GRID2: variants seen among roughly 807,000 people sequenced by gnomAD.
The protein encoded by GRID2 is glutamate ionotropic receptor delta type subunit 2.
A neutral mutation model predicts 114.8 loss-of-function variants in GRID2; 33 were observed. That is an observed-to-expected ratio of 0.29 (90% CI 0.22 to 0.38). The LOEUF is 0.38. Among genes scored for constraint, GRID2 ranks in the 10% least tolerant of loss-of-function variants. The pLI is 1.00. For missense variants in GRID2, 1,184 were observed against 1,257.7 expected (o/e 0.94, Z 0.89); for synonymous variants, 505 against 449.9 (o/e 1.12, Z -1.55).
chr4:93,194,382 G>GT (rs1273603147), intron 4 of GRID2, among the ~76,000 whole-genome samples: 2 of 152,032 alleles, frequency 1.3e-5, no homozygotes, highest in African/African-American at 4.8e-5. Flanking sequence ...GTTTTAAGGA[G>GT]TTTTTTTCAG....
chr4:92,641,805 G>GTCT (rs1352749525), intron 2 of GRID2, among the ~76,000 whole-genome samples: 2 of 151,382 alleles, frequency 1.3e-5, no homozygotes, highest in Non-Finnish European at 3.0e-5. Flanking sequence ...TCCTCCAGTA[G>GTCT]TCTTCAGTGT....
At chr4:93,310,522 T>C (rs1471456049) in intron 8 of GRID2, among the ~76,000 whole-genome samples, 1 of 151,690 alleles carries the variant, frequency 6.6e-6, no homozygotes, top group Non-Finnish European at 1.5e-5. Context: ...AGAACGAGAC[T>C]CCATCTCAAA....
At chr4:92,865,273 T>A (rs1324601918) in intron 2 of GRID2, among the ~76,000 whole-genome samples, 3 of 152,202 alleles carry the variant, frequency 2.0e-5, no homozygotes, top group African/African-American at 7.2e-5. Flanking sequence ...AACCCTGTTA[T>A]AAACGTGAAT....
At chr4:93,512,214 A>G (rs1474604414) in intron 12 of GRID2, among the ~76,000 whole-genome samples, 2 of 152,216 alleles carry the variant, frequency 1.3e-5, no homozygotes, top group African/African-American at 4.8e-5. Flanking sequence ...TTTACATTTT[A>G]AAACAATGAT....
chr4:93,261,847 T>A (rs1477249571), intron 8 of GRID2, among the ~76,000 whole-genome samples: 1 of 151,636 alleles, frequency 6.6e-6, no homozygotes, highest in African/African-American at 2.4e-5. Context: ...TGCATATTCT[T>A]CCTTGTTTAT....
chr4:93,523,914 A>G (rs1231438987), intron 13 of GRID2, among the ~76,000 whole-genome samples: 1 of 152,084 alleles, frequency 6.6e-6, no homozygotes, highest in Non-Finnish European at 1.5e-5. Context: ...AGCTTCATCT[A>G]TACTTCGTCC....
At chr4:92,676,156 GC>G (rs70942924) in intron 2 of GRID2, among the ~76,000 whole-genome samples, 6,878 of 24,972 alleles carry the variant, frequency 0.28, 492 homozygotes, top group Admixed American at 0.39. Flanking sequence ...GTCGTGTCAA[GC>G]CCCCCCCCCC....
chr4:92,545,760 C>A (rs994269226), intron 1 of GRID2, among the ~76,000 whole-genome samples: 2 of 152,020 alleles, frequency 1.3e-5, no homozygotes, highest in African/African-American at 4.8e-5. Context: ...CACTTGGCTG[C>A]GACACTCATT....
intron 1 of GRID2, among the ~76,000 whole-genome samples, chr4:92,522,361 C>A (rs1049712112): frequency 6.6e-6 from 1 of 151,994 alleles, no homozygotes; most frequent in African/African-American, 2.4e-5. Flanking sequence ...GAGAGCAAGA[C>A]GATGCAGGGC....
chr4:92,999,452 A>G (rs17020063), intron 2 of GRID2, among the ~76,000 whole-genome samples: 2,355 of 151,914 alleles, frequency 0.016, 24 homozygotes, highest in East Asian at 0.052. Flanking sequence ...CCTCTGATAA[A>G]GATAAAGATG....
At chr4:92,906,726 C>A (rs1235602796) in intron 2 of GRID2, among the ~76,000 whole-genome samples, 1 of 152,158 alleles carries the variant, frequency 6.6e-6, no homozygotes, top group South Asian at 2.1e-4. Context: ...TCAAGCGATT[C>A]TCCTGCCTCA....
chr4:92,736,919 T>C lies in GRID2; in HGVS notation c.244+146633T>C, dbSNP rs886174368. ...ACATCAGCCTTAGCAAAACAAGGTATGTGCTGAGAGATGGTTGCTTGGAGA... is the reference window on the plus strand; with the variant it reads ...ACATCAGCCTTAGCAAAACAAGGTACGTGCTGAGAGATGGTTGCTTGGAGA... On this transcript the variant is annotated intron_variant, in intron 2 of 15. Transcript: ENST00000282020. Among the ~76,000 whole-genome samples, 4 of 152,086 alleles carry C rather than the reference T, an allele frequency of 2.6e-5. No homozygotes were observed. In the South Asian group the frequency reaches 8.3e-4, roughly 31 times the overall value.
chr4:92,923,394 A>G (rs1749524225), intron 2 of GRID2, among the ~76,000 whole-genome samples: 1 of 152,194 alleles, frequency 6.6e-6, no homozygotes, highest in African/African-American at 2.4e-5. Context: ...GAATTAAAAT[A>G]TTGCTTTATT....
chr4:93,767,423 G>A (rs906077408), intron 14 of GRID2, among the ~76,000 whole-genome samples: 1 of 152,134 alleles, frequency 6.6e-6, no homozygotes, highest in Admixed American at 6.5e-5. Context: ...AATCATTTTA[G>A]TAAATTCAAT....
chr4:93,081,522 AT>A, intron 2 of GRID2, among the ~76,000 whole-genome samples: 1 of 152,156 alleles, frequency 6.6e-6, no homozygotes, highest in Non-Finnish European at 1.5e-5. Flanking sequence ...AATAATAAAA[AT>A]AATAGTTGTG....
chr4:93,770,657 G>A (rs758176187), intron 15 of GRID2, among the ~76,000 whole-genome samples: 9 of 152,078 alleles, frequency 5.9e-5, no homozygotes, highest in Non-Finnish European at 5.9e-5. Flanking sequence ...TGTTTTCTTT[G>A]TGGAATAAGC....
At chr4:93,594,142 A>G (rs1440159374) in intron 13 of GRID2, among the ~76,000 whole-genome samples, 4 of 152,108 alleles carry the variant, frequency 2.6e-5, no homozygotes, top group African/African-American at 9.6e-5. Flanking sequence ...TGCTTTTTAG[A>G]GTTTCCAGTT....
intron 2 of GRID2, among the ~76,000 whole-genome samples, chr4:93,042,625 C>CTATATA (rs34331791): frequency 4.4e-5 from 6 of 135,974 alleles, no homozygotes; most frequent in South Asian, 2.4e-4. Context: ...CTCTCTCTCT[C>CTATATA]TATATATATA....
intron 14 of GRID2, among the ~76,000 whole-genome samples, chr4:93,732,024 A>G (rs778171751): frequency 6.6e-6 from 1 of 152,234 alleles, no homozygotes; most frequent in African/African-American, 2.4e-5. Context: ...TTTGAAACTA[A>G]GGACAGACCG....
Sources: allele counts gnomAD v4.1 joint callset (sites outside exome capture counted in the v4.1 genomes callset), GRCh38; gene constraint gnomAD v4.1.1; transcripts MANE v1.5; gene names NCBI Gene and HGNC (gene_info 2026-07-23, HGNC 2026-07-21).